Variants in IPPK observed in about 807,000 individuals in gnomAD.
IPPK encodes the protein inositol-pentakisphosphate 2-kinase, also known as IPK1 homolog.
Under a neutral mutation model 64.6 loss-of-function variants are expected in IPPK, and 22 were observed. The ratio of observed to expected loss-of-function variants is 0.34; its 90% CI spans 0.24 to 0.49. The LOEUF (loss-of-function observed/expected upper bound fraction) is 0.49, where lower values mean the gene tolerates loss of function less well. Among genes scored for constraint, IPPK ranks in the 20% least tolerant of loss-of-function variants. IPPK has a pLI of 0.99. For synonymous variants in IPPK, 262 were observed against 247.2 expected (o/e 1.06, Z -0.56); for missense variants, 532 against 630.7 (o/e 0.84, Z 1.68).
At chr9:92,629,707 CAAAA>C (rs201735483) in intron 11 of IPPK, among the ~76,000 whole-genome samples, 2 of 94,684 alleles carry the variant, frequency 2.1e-5, no homozygotes, top group East Asian at 2.5e-4. Flanking sequence ...GATTCTATCT[CAAAA>C]AAAAAAAAAA....
intron 11 of IPPK, chr9:92,619,787 G>A (rs1005049652): frequency 1.3e-5 from 7 of 559,992 alleles, no homozygotes; most frequent in Middle Eastern, 4.8e-4. Context: ...GGCCAGCACC[G>A]CCCCCTGACC....
At chr9:92,664,391 C>G (rs1247971253) in intron 1 of IPPK, among the ~76,000 whole-genome samples, 1 of 152,242 alleles carries the variant, frequency 6.6e-6, no homozygotes, top group Non-Finnish European at 1.5e-5. Flanking sequence ...GGAGGCCAGA[C>G]TGGAGACAGC....
intron 4 of IPPK, among the ~76,000 whole-genome samples, chr9:92,651,027 G>T (rs966618271): frequency 6.6e-6 from 1 of 152,136 alleles, no homozygotes; most frequent in Non-Finnish European, 1.5e-5. Flanking sequence ...CTGAGCAGCA[G>T]AGCAGTTGCA....
At position 92,638,098 on chromosome 9, in the gene IPPK, C is replaced by T. The variant is rs757755390; in HGVS notation, c.819G>A (p.Ser273=). Residue 273 remains serine, a synonymous_variant, in exon 9 of 13, where the codon TCG becomes TCA. Transcript: ENST00000287996. The part of the protein sequence containing the change: ...HVITRVLLSG[S]DKGRAGTLSP... ...TCAGGGTGCCTGCCCGGCCCTTGTC[C>T]GAGCCACTCAGCAGCACCCGTGTGA... 6 of 1,613,702 alleles carry T rather than the reference C, an allele frequency of 3.7e-6. No individual in the cohort carries two copies. Among genetic ancestry groups the T allele is most frequent in the Admixed American group, 3.3e-5 (2 of 59,992 alleles).
intron 4 of IPPK, 87 bp downstream of exon 4, chr9:92,652,480 AATGCAT>A: frequency 1.6e-6 from 1 of 638,622 alleles, no homozygotes; most frequent in Non-Finnish European, 2.6e-6. Context: ...ATTACTGAAA[AATGCAT>A]ATACCTAACA....
intron 6 of IPPK, among the ~76,000 whole-genome samples, chr9:92,643,615 C>T (rs1386169668): frequency 2.0e-5 from 3 of 149,646 alleles, no homozygotes; most frequent in African/African-American, 7.4e-5. Context: ...AGCTTATGTG[C>T]AAATATCCAT....
At chr9:92,617,085 A>C (rs1343679095) in intron 12 of IPPK, 2 of 152,240 alleles carry the variant, frequency 1.3e-5, no homozygotes, top group Non-Finnish European at 2.9e-5. Flanking sequence ...TGCTGGGGTA[A>C]GTAACTATTC....
chr9:92,624,628 T>G (rs1014947553), intron 11 of IPPK, among the ~76,000 whole-genome samples: 1 of 152,124 alleles, frequency 6.6e-6, no homozygotes, highest in Non-Finnish European at 1.5e-5. Flanking sequence ...AATGAAACTC[T>G]GTCTCAAAAA....
chr9:92,657,541 G>A (rs920978975), intron 2 of IPPK, among the ~76,000 whole-genome samples: 1 of 152,184 alleles, frequency 6.6e-6, no homozygotes, highest in African/African-American at 2.4e-5. Flanking sequence ...GGGGAGTCAA[G>A]GTTAGGGTGG....
chr9:92,619,513 G>T lies in IPPK; in HGVS notation c.1223C>A (p.Ala408Glu). 6.3e-7 allele frequency: 1 copy of T among 1,593,324 alleles called. No individual in the cohort carries two copies. The highest frequency in any genetic ancestry group is 2.3e-5 in the East Asian group (1 of 44,298). Residue 408 changes from alanine to glutamate, a missense_variant, in exon 12 of 13, where the codon GCA becomes GAA. Physicochemically the swap from Ala to Glu is moderately radical, Grantham distance 107. Coordinates refer to ENST00000287996, the MANE Select transcript of IPPK (RefSeq NM_022755.6). The part of the protein sequence containing the change: ...MTAKDCSIMI[A>E]LSPCLQDASS... ...GGCATCCTGCAGACAGGGAGACAGT[G>T]CAATCATGATGGAGCAGTCCTTGGC...
intron 6 of IPPK, among the ~76,000 whole-genome samples, chr9:92,644,770 G>A (rs1310124224): frequency 6.6e-6 from 1 of 152,112 alleles, no homozygotes; most frequent in African/African-American, 2.4e-5. Context: ...ACTACAAGAA[G>A]CAGCAATAAA....
Position 92,615,767 on chromosome 9 carries a change from G to T in IPPK, c.*65C>A. The T allele has an allele frequency of 2.9e-6, 4 of 1,359,096 alleles. No homozygotes were observed. The highest frequency in any genetic ancestry group is 4.2e-6 in the Non-Finnish European group (4 of 957,070). The allele number at this position is 1,359,096 out of a possible 1,614,324, so 84.2% of individuals were successfully genotyped here. On this transcript the variant is annotated 3_prime_UTR_variant, in exon 13 of 13. Transcript: ENST00000287996. ...CAACCAAAGGTCACCCAACACAACA[G>T]AAAATATCTCTATCATTCAGCCTTC... is the stretch of plus-strand genomic sequence containing the variant.
intron 1 of IPPK, among the ~76,000 whole-genome samples, chr9:92,660,165 CAT>C (rs751639784): frequency 6.6e-6 from 1 of 152,212 alleles, no homozygotes; most frequent in African/African-American, 2.4e-5. Context: ...CTCACCTACA[CAT>C]GATGGTGTGT....
chr9:92,655,250 T>C (rs926684225), intron 3 of IPPK, among the ~76,000 whole-genome samples: 1 of 152,224 alleles, frequency 6.6e-6, no homozygotes, highest in African/African-American at 2.4e-5. Flanking sequence ...TGGCCCTGTG[T>C]GGCCCTGCAG....
Position 92,635,299 on chromosome 9 carries a change from G to A in IPPK, c.926C>T (p.Thr309Ile). The A allele has an allele frequency of 6.2e-7, 1 of 1,608,162 alleles. No individual in the cohort carries two copies. The highest frequency in any genetic ancestry group is 8.5e-7 in the Non-Finnish European group (1 of 1,178,176). Residue 309 changes from threonine (T) to isoleucine (I), a missense_variant, in exon 10 of 13, where the codon ACC becomes ATC. By Grantham distance (89) the Thr-to-Ile change is moderately conservative. Coordinates refer to ENST00000287996, the MANE Select transcript of IPPK (RefSeq NM_022755.6). This position sits in a 1 kb window ranked among gnomAD's most constrained non-coding sequence, Gnocchi z 4.4. ...SRSLRCQGKNTPERSGLPKGC... is the reference protein window; with the variant it reads ...SRSLRCQGKNIPERSGLPKGC... Reference sequence around the variant, plus strand: ...CTTCGGTAACCCCGAGCGCTCTGGGGTGTTTTTTCCTACCGAGAACATCAG... The same window carrying A: ...CTTCGGTAACCCCGAGCGCTCTGGGATGTTTTTTCCTACCGAGAACATCAG...
At chr9:92,660,761 C>T (rs549965869) in intron 1 of IPPK, among the ~76,000 whole-genome samples, 19 of 152,300 alleles carry the variant, frequency 1.2e-4, no homozygotes, top group African/African-American at 4.1e-4. Flanking sequence ...CCAGGAAAGG[C>T]GGGAACAACT....
rs377573412 is a variant in IPPK at position 92,649,855 on chromosome 9, G to A, written c.293-281C>T. Among the ~76,000 whole-genome samples the A allele has an allele frequency of 6.0e-4, 90 of 150,602 alleles. 1 individual carries two copies. Among genetic ancestry groups the A allele is most frequent in the African/African-American group, 1.9e-3 (76 of 40,908 alleles). ...AGCCTGGCCAACATAGTGAAACCCC[G>A]TCTCTACTAAAAATACAAAAATTAG... On this transcript the variant is annotated intron_variant, in intron 4 of 12. Coordinates refer to ENST00000287996, the MANE Select transcript of IPPK (RefSeq NM_022755.6).
In IPPK at chr9:92,669,899, A is replaced by T; in HGVS notation, c.81+9T>A. ...GGTACCGGACCTGCGCCGCACGTCC[A>T]CCGCTCACCTGCGCGTGGGCCACCA... On this transcript the variant is annotated intron_variant, in intron 1 of 12. Transcript: ENST00000287996. 6.2e-7 allele frequency: 1 copy of T among 1,607,362 alleles called. No individual in the cohort carries two copies. Among genetic ancestry groups the T allele is most frequent in the Non-Finnish European group, 8.5e-7 (1 of 1,175,368 alleles).
At position 92,619,007 on chromosome 9, in the gene IPPK, C is replaced by A. The variant is rs191766730; in HGVS notation, c.1250+479G>T. ...AAACTAGTGACATTAGGGAGAGGGGCGGCACATAGGCTGGTTATTCAGAAG... is the reference window on the plus strand; with the variant it reads ...AAACTAGTGACATTAGGGAGAGGGGAGGCACATAGGCTGGTTATTCAGAAG... On this transcript the variant is annotated intron_variant, in intron 12 of 12. Coordinates refer to ENST00000287996, the MANE Select transcript of IPPK (RefSeq NM_022755.6). 4.3e-3 allele frequency: 1,048 copies of A among 241,668 alleles called. 17 individuals are homozygous for A. The highest frequency in any genetic ancestry group is 5.8e-3 in the East Asian group (57 of 9,808). 15.0% of individuals were successfully genotyped at this position (241,668 alleles called of 1,614,324 possible). A position where few individuals can be genotyped will look rare whatever the true frequency, so the allele number is the denominator to read the frequency against.
Sources: allele counts gnomAD v4.1 joint callset (sites outside exome capture counted in the v4.1 genomes callset), GRCh38; gene constraint gnomAD v4.1.1; non-coding constraint Gnocchi (gnomAD v3.1); transcripts MANE v1.5; gene names NCBI Gene and HGNC (gene_info 2026-07-23, HGNC 2026-07-21).